The following TPR variants were observed in gnomAD, a reference collection of about 807,000 sequenced individuals.
The protein encoded by TPR is translocated promoter region, nuclear basket protein.
TPR carries 51 observed loss-of-function variants against 316.1 expected under a neutral mutation model. The observed-to-expected ratio is 0.16, with a 90% confidence interval of 0.13 to 0.20. The LOEUF (loss-of-function observed/expected upper bound fraction) is 0.20, where lower values mean the gene tolerates loss of function less well. Ranked by LOEUF, TPR falls within the 10% of genes least tolerant of loss-of-function variation. The pLI, the probability that TPR is intolerant of heterozygous loss-of-function variation, is 1.00. For synonymous variants in TPR, 981 were observed against 914.7 expected (o/e 1.07, Z -1.31); for missense variants, 2,272 against 2,754.8 (o/e 0.82, Z 3.92).
At position 186,353,386 on chromosome 1, in the gene TPR, CAA is replaced by C. The variant is rs1250266359; in HGVS notation, c.2334+300_2334+301del. On this transcript the variant is annotated intron_variant, in intron 18 of 50. Transcript: ENST00000367478. ...GACTCTGTCTCAAGAAAAAAAAAAC[CAA>C]AAAAAAAAACGTCTTTGTTAGAACC... Among the ~76,000 whole-genome samples the C allele has an allele frequency of 5.0e-4, 70 of 138,960 alleles. 1 individual carries two copies. The highest frequency in any genetic ancestry group is 4.6e-4 in the Non-Finnish European group (29 of 63,384). The allele number at this position is 138,960 out of a possible 152,430, so 91.2% of individuals were successfully genotyped here.
At chr1:186,364,662 T>C (rs978905187) in intron 4 of TPR, among the ~76,000 whole-genome samples, 3 of 152,182 alleles carry the variant, frequency 2.0e-5, no homozygotes, top group Non-Finnish European at 1.5e-5. Context: ...TAGAAAGGTT[T>C]GACTTATAAA....
chr1:186,314,747 A>T lies in TPR; in HGVS notation c.6941-23T>A, dbSNP rs111556543. The T allele has an allele frequency of 3.3e-6, 5 of 1,524,268 alleles. No homozygotes were observed. In the African/African-American group the frequency reaches 4.2e-5, roughly 13 times the overall value. The allele number at this position is 1,524,268 out of a possible 1,614,324, so 94.4% of individuals were successfully genotyped here. A position where few individuals can be genotyped will look rare whatever the true frequency, so the allele number is the denominator to read the frequency against. ...TATCTAAGAAAAACATTAAGATAAA[A>T]GAAAAGCAAGTGAAAAAATGAGAAA... On this transcript the variant is annotated intron_variant, in intron 49 of 50. Transcript: ENST00000367478.
chr1:186,318,240 AT>A (rs1198219994), intron 48 of TPR, among the ~76,000 whole-genome samples: 3 of 151,716 alleles, frequency 2.0e-5, no homozygotes, highest in African/African-American at 7.3e-5. Context: ...GAGGCAGAAA[AT>A]TGCTTGAACC....
intron 4 of TPR, 26 bp from the exon 5 acceptor site, chr1:186,363,471 A>T (rs759726034): frequency 6.9e-7 from 1 of 1,455,846 alleles, no homozygotes; most frequent in South Asian, 1.2e-5. Context: ...GAATTAAAAA[A>T]TAATAACTAA....
At chr1:186,349,993 C>A (rs1338872944) in intron 21 of TPR, among the ~76,000 whole-genome samples, 1 of 152,122 alleles carries the variant, frequency 6.6e-6, no homozygotes, top group African/African-American at 2.4e-5. Flanking sequence ...TGGGTACATA[C>A]CTTGATCAAA....
Position 186,326,169 on chromosome 1 carries a change from C to G in TPR, c.5956G>C (p.Glu1986Gln). 1 of 1,610,856 alleles carries G rather than the reference C, an allele frequency of 6.2e-7. No homozygotes were observed. Among genetic ancestry groups the G allele is most frequent in the East Asian group, 2.2e-5 (1 of 44,840 alleles). The change falls in exon 41 of 51, where the codon GAA becomes CAA. Residue 1986 changes from glutamate to glutamine, a missense_variant. Coordinates refer to ENST00000367478, the MANE Select transcript of TPR (RefSeq NM_003292.3). Reference protein sequence around the residue: ...EDDTGMGDEGEDSNEGTGSAD... With the variant: ...EDDTGMGDEGQDSNEGTGSAD... ...CTACCAGTTCCTTCATTACTATCTT[C>G]ACCCTCATCTCCCATCCCTGTGTCA...
At chr1:186,344,981 C>T (rs1021243596) in intron 24 of TPR, among the ~76,000 whole-genome samples, 5 of 151,912 alleles carry the variant, frequency 3.3e-5, no homozygotes, top group African/African-American at 1.2e-4. Flanking sequence ...AACATGACAC[C>T]CAACTTAAAA....
Position 186,345,657 on chromosome 1 carries a change from C to T in TPR, c.3136G>A (p.Glu1046Lys). 6.2e-7 allele frequency: 1 copy of T among 1,613,280 alleles called. No homozygotes were observed. Among genetic ancestry groups the T allele is most frequent in the South Asian group, 1.1e-5 (1 of 91,056 alleles). The part of the protein sequence containing the change: ...LKKTLSSVQN[E>K]VQEALQRAST... ...GCTCTCTGAAGAGCTTCTTGTACTTCATTCTGAACACTAGAAAGTGTTTTC... is the reference window on the plus strand; with the variant it reads ...GCTCTCTGAAGAGCTTCTTGTACTTTATTCTGAACACTAGAAAGTGTTTTC... Residue 1046 changes from glutamate (E) to lysine (K), a missense_variant, in exon 24 of 51, where the codon GAA becomes AAA. Physicochemically the swap from Glu to Lys is moderately conservative, Grantham distance 56 (BLOSUM62 1). Transcript: ENST00000367478.
intron 27 of TPR, 127 bp from the exon 28 acceptor site, chr1:186,341,516 A>G: frequency 5.6e-6 from 6 of 1,080,928 alleles, no homozygotes; most frequent in Non-Finnish European, 7.6e-6. Flanking sequence ...TAGAACTAAA[A>G]TTTTTGAAAG....
At chr1:186,337,199 C>A in intron 31 of TPR, 43 bp from the exon 32 acceptor site, 1 of 1,546,270 alleles carries the variant, frequency 6.5e-7, no homozygotes, top group South Asian at 1.2e-5. Flanking sequence ...TATTTATATT[C>A]AGTAATTCCA....
intron 46 of TPR, 75 bp downstream of exon 46, chr1:186,320,237 C>T: frequency 8.2e-7 from 1 of 1,226,426 alleles, no homozygotes; most frequent in South Asian, 1.8e-5. Context: ...CTCTTTTTCC[C>T]CCCTTAAATC....
At chr1:186,339,952 A>G (rs1274266389) in intron 29 of TPR, among the ~76,000 whole-genome samples, 180 bp from the exon 30 acceptor site, 1 of 152,148 alleles carries the variant, frequency 6.6e-6, no homozygotes, top group Non-Finnish European at 1.5e-5. Flanking sequence ...TAAGAAGTCT[A>G]CCCACAATAC....
At chr1:186,321,708 AC>A (rs1321346420) in intron 45 of TPR, among the ~76,000 whole-genome samples, 4 of 152,208 alleles carry the variant, frequency 2.6e-5, no homozygotes, top group Non-Finnish European at 5.9e-5. Flanking sequence ...GAAATAAATT[AC>A]TTCTTCATTT....
At chr1:186,349,925 C>T (rs1658810234) in intron 21 of TPR, among the ~76,000 whole-genome samples, 1 of 151,950 alleles carries the variant, frequency 6.6e-6, no homozygotes, top group African/African-American at 2.4e-5. Flanking sequence ...ATCAAATAAC[C>T]CTCTTCAGAA....
At chr1:186,367,383 C>A (rs917509815) in intron 4 of TPR, among the ~76,000 whole-genome samples, 11 of 152,104 alleles carry the variant, frequency 7.2e-5, no homozygotes, top group Admixed American at 6.5e-4. Flanking sequence ...AAACTTCTTA[C>A]CATTAACTGC....
intron 18 of TPR, among the ~76,000 whole-genome samples, chr1:186,353,174 C>T (rs1031246813): frequency 2.6e-5 from 4 of 152,142 alleles, no homozygotes; most frequent in East Asian, 1.9e-4. Context: ...AGATCGAGAC[C>T]ATCCTGGCTA....
intron 4 of TPR, 132 bp from the exon 5 acceptor site, chr1:186,363,577 T>C (rs1659254477): frequency 1.8e-6 from 1 of 565,854 alleles, no homozygotes; most frequent in African/African-American, 1.9e-5. Context: ...TAACACAGAT[T>C]GGAACCATGC....
chr1:186,318,860 T>G, intron 46 of TPR, 32 bp from the exon 47 acceptor site: 1 of 1,590,500 alleles, frequency 6.3e-7, no homozygotes, highest in Non-Finnish European at 8.6e-7. Flanking sequence ...AATGAATGAC[T>G]GAAAAAAACA....
chr1:186,327,474 C>A lies in TPR; in HGVS notation c.5875G>T (p.Asp1959Tyr). 6.2e-7 allele frequency: 1 copy of A among 1,610,128 alleles called. No homozygotes were observed. The highest frequency in any genetic ancestry group is 8.5e-7 in the Non-Finnish European group (1 of 1,179,318). The change falls in exon 40 of 51, where the codon GAT becomes TAT. Residue 1959 changes from aspartate (D) to tyrosine (Y), a missense_variant. Physicochemically the swap from Asp to Tyr is radical, Grantham distance 160 (BLOSUM62 -3). Transcript: ENST00000367478. ...DDEEEDDDEN[D>Y]GEHEDYEEDE... ...ATCAAACTTACCTCATGTTCTCCAT[C>A]ATTTTCATCATCATCCTCTTCTTCA...
Sources: gnomAD v4.1 joint callset for allele counts (sites outside exome capture counted in the v4.1 genomes callset) on GRCh38, gnomAD v4.1.1 for gene constraint, MANE v1.5 for transcripts, NCBI Gene and HGNC (gene_info 2026-07-23, HGNC 2026-07-21) for gene names.